SCGN: variants seen among roughly 807,000 people sequenced by gnomAD.
The protein encoded by SCGN is secretagogin, EF-hand calcium binding protein, also known as secretagogin.
SCGN carries 30 observed loss-of-function variants against 39.7 expected under a neutral mutation model. The observed-to-expected ratio is 0.76, with a 90% confidence interval of 0.57 to 1.03. The LOEUF is 1.03. Ranked by LOEUF, SCGN falls within the 50% of genes least tolerant of loss-of-function variation. SCGN has a pLI of 0.00. For synonymous variants in SCGN, 106 were observed against 114.1 expected, an observed-to-expected ratio of 0.93 and a Z score of 0.45; for missense variants, 353 against 349.4, an observed-to-expected ratio of 1.01 and a Z score of -0.08.
chr6:25,688,463 A>G (rs1759732459), intron 7 of SCGN, among the ~76,000 whole-genome samples: 1 of 152,200 alleles, frequency 6.6e-6, no homozygotes, highest in African/African-American at 2.4e-5. Context: ...TGTATGTGTT[A>G]GGGCAAGTTA....
At chr6:25,669,825 C>T (rs142953124) in intron 5 of SCGN, among the ~76,000 whole-genome samples, 174 bp from the exon 6 acceptor site, 23 of 152,202 alleles carry the variant, frequency 1.5e-4, no homozygotes, top group African/African-American at 4.6e-4. Context: ...CCCTGGGTCC[C>T]GTGAGCTCCC....
At chr6:25,694,386 T>C (rs1435205157) in intron 10 of SCGN, among the ~76,000 whole-genome samples, 2 of 152,054 alleles carry the variant, frequency 1.3e-5, no homozygotes, top group Non-Finnish European at 2.9e-5. Flanking sequence ...ATGGGAAAAA[T>C]ACTAGACCAT....
intron 5 of SCGN, 98 bp downstream of exon 5, chr6:25,669,665 T>G: frequency 9.9e-7 from 1 of 1,006,670 alleles, no homozygotes; most frequent in Non-Finnish European, 1.6e-6. Context: ...AAAGATGTAT[T>G]TGAATATGTG....
intron 2 of SCGN, among the ~76,000 whole-genome samples, chr6:25,654,052 C>G (rs1182902434): frequency 1.3e-5 from 2 of 152,020 alleles, no homozygotes; most frequent in African/African-American, 4.8e-5. Flanking sequence ...TCTTGAAAGT[C>G]TCTCTATCAA....
At chr6:25,680,584 G>A (rs547778874) in intron 6 of SCGN, among the ~76,000 whole-genome samples, 38 of 152,294 alleles carry the variant, frequency 2.5e-4, no homozygotes, top group African/African-American at 9.1e-4. Flanking sequence ...GTCTTTCAAG[G>A]TGAGTTGTTA....
At chr6:25,699,307 G>A (rs1759877594) in intron 10 of SCGN, among the ~76,000 whole-genome samples, 1 of 152,068 alleles carries the variant, frequency 6.6e-6, no homozygotes, top group Non-Finnish European at 1.5e-5. Flanking sequence ...TTGAAAACGG[G>A]ACTGGGCACA....
At chr6:25,698,414 T>C (rs1759865210) in intron 10 of SCGN, among the ~76,000 whole-genome samples, 1 of 152,220 alleles carries the variant, frequency 6.6e-6, no homozygotes, top group African/African-American at 2.4e-5. Flanking sequence ...GTAAATACAT[T>C]GGCAAATTAA....
At chr6:25,655,183 T>A (rs1157987427) in intron 2 of SCGN, among the ~76,000 whole-genome samples, 1 of 152,174 alleles carries the variant, frequency 6.6e-6, no homozygotes, top group Non-Finnish European at 1.5e-5. Context: ...TTGGAATAAA[T>A]GGGATGGCCA....
chr6:25,655,495 C>T (rs1282286681), intron 2 of SCGN, among the ~76,000 whole-genome samples: 1 of 152,170 alleles, frequency 6.6e-6, no homozygotes, highest in East Asian at 1.9e-4. Flanking sequence ...TGGACTAATG[C>T]TCTTACACAG....
rs570800117 is a variant in SCGN at position 25,688,879 on chromosome 6, G to A, written c.528-293G>A. The stretch of plus-strand genomic sequence containing the variant: ...GACTTTAATTATTTTCCAGAGCTCT[G>A]GGAAAGTTATTTTGACTATTTTTTC... On this transcript the variant is annotated intron_variant, in intron 7 of 10. Coordinates refer to ENST00000377961, the MANE Select transcript of SCGN (RefSeq NM_006998.4). 2.0e-5 allele frequency among the ~76,000 whole-genome samples: 3 copies of A among 151,312 alleles called. No homozygotes were observed. The East Asian group carries it at 5.9e-4, about 30-fold the overall frequency.
Position 25,689,480 on chromosome 6 carries a change from C to T in SCGN, c.581C>T (p.Ser194Phe), listed in dbSNP as rs761781748. 5.6e-6 allele frequency: 9 copies of T among 1,612,920 alleles called. No homozygotes were observed. The African/African-American group carries it at 1.1e-4, about 19-fold the overall frequency. Residue 194 changes from serine (S) to phenylalanine (F), a missense_variant, in exon 9 of 11, where the codon TCT becomes TTT. Physicochemically the swap from Ser to Phe is radical, Grantham distance 155. Transcript: ENST00000377961. ...FLLQFKMDAC[S>F]TEERKRDFEK... ...TGTTTTTTCCTTACACAGGCTTGTT[C>T]TACTGAAGAAAGGAAAAGGGACTTT...
chr6:25,690,142 G>A (rs915754786), intron 9 of SCGN, among the ~76,000 whole-genome samples: 4 of 152,212 alleles, frequency 2.6e-5, no homozygotes, highest in African/African-American at 9.6e-5. Flanking sequence ...TATCACCTGG[G>A]AGAGGCAGTC....
chr6:25,689,346 A>G, intron 8 of SCGN, 127 bp from the exon 9 acceptor site: 1 of 1,150,664 alleles, frequency 8.7e-7, no homozygotes, highest in Non-Finnish European at 1.3e-6. Context: ...GACAAGGATC[A>G]GCATGGAATC....
intron 2 of SCGN, among the ~76,000 whole-genome samples, chr6:25,660,543 A>G (rs1043457676): frequency 3.3e-5 from 5 of 152,214 alleles, no homozygotes; most frequent in Non-Finnish European, 7.3e-5. Context: ...TTGTTCTGGC[A>G]AGTTCTTCCT....
chr6:25,653,438 A>C lies in SCGN; in HGVS notation c.139A>C (p.Lys47Gln), dbSNP rs1199438000. Residue 47 changes from lysine (K) to glutamine (Q), a missense_variant, in exon 2 of 11, where the codon AAA becomes CAA. Transcript: ENST00000377961. ...LDAFFLHMLMKLGTDDTVMKA... is the reference protein window; with the variant it reads ...LDAFFLHMLMQLGTDDTVMKA... ...TGCTTTCTTTCTCCACATGTTGATGAAACTGGGTACTGATGTAAGTACTTG... is the reference window on the plus strand; with the variant it reads ...TGCTTTCTTTCTCCACATGTTGATGCAACTGGGTACTGATGTAAGTACTTG... 1 of 1,612,910 alleles carries C rather than the reference A, an allele frequency of 6.2e-7. No individual in the cohort carries two copies. Among genetic ancestry groups the C allele is most frequent in the East Asian group, 2.2e-5 (1 of 44,788 alleles).
In SCGN at chr6:25,676,570, A is replaced by G. The variant is rs542864219; in HGVS notation, c.472-5381A>G. Among the ~76,000 whole-genome samples the G allele has an allele frequency of 2.6e-5, 4 of 152,274 alleles. No homozygotes were observed. In the South Asian group the frequency reaches 8.3e-4, roughly 32 times the overall value. Reference sequence around the variant, plus strand: ...TTTAACCCTGGTATGCATTTGATTTACTTCCATCTCTTTCAGGTCTTTATG... The same window carrying G: ...TTTAACCCTGGTATGCATTTGATTTGCTTCCATCTCTTTCAGGTCTTTATG... On this transcript the variant is annotated intron_variant, in intron 6 of 10. Transcript: ENST00000377961.
chr6:25,653,272 T>C (rs1277434835), intron 1 of SCGN, 110 bp from the exon 2 acceptor site: 5 of 746,850 alleles, frequency 6.7e-6, no homozygotes, highest in Non-Finnish European at 1.1e-5. Context: ...TAACAAAAAA[T>C]AGTGTTGAGG....
chr6:25,700,568 T>C (rs1213167121), intron 10 of SCGN, among the ~76,000 whole-genome samples: 3 of 152,202 alleles, frequency 2.0e-5, no homozygotes, highest in Non-Finnish European at 4.4e-5. Context: ...GGTGGAATTA[T>C]TTACTTCCCA....
chr6:25,701,640 G>T lies in SCGN; in HGVS notation c.*305G>T, dbSNP rs1381764245. On this transcript the variant is annotated 3_prime_UTR_variant, in exon 11 of 11. Coordinates refer to ENST00000377961, the MANE Select transcript of SCGN (RefSeq NM_006998.4). ...CCCAGTCACCAGGGTGGGGGGGACA[G>T]GGGCAGCTGAGTGCATTCATTTTGT... The T allele has an allele frequency of 8.5e-6, 2 of 236,210 alleles. No individual in the cohort carries two copies. Among genetic ancestry groups the T allele is most frequent in the African/African-American group, 2.3e-5 (1 of 44,222 alleles). The allele number at this position is 236,210 out of a possible 1,614,324, so 14.6% of individuals were successfully genotyped here.
Sources: gnomAD v4.1 joint callset for allele counts (sites outside exome capture counted in the v4.1 genomes callset) on GRCh38, gnomAD v4.1.1 for gene constraint, MANE v1.5 for transcripts, NCBI Gene and HGNC (gene_info 2026-07-23, HGNC 2026-07-21) for gene names.